Variants in DLG2 observed in about 807,000 individuals in gnomAD.
DLG2 encodes disks large homolog 2.
Under a neutral mutation model 132.5 loss-of-function variants are expected in DLG2, and 45 were observed. The ratio of observed to expected loss-of-function variants is 0.34; its 90% confidence interval spans 0.27 to 0.44. The LOEUF is 0.44. Among genes scored for constraint, DLG2 ranks in the 20% least tolerant of loss-of-function variants. DLG2 has a pLI of 1.00. For missense variants in DLG2, 1,045 were observed against 1,196.9 expected (o/e 0.87, Z 1.87); for synonymous variants, 424 against 419.6 (o/e 1.01, Z -0.13).
In DLG2 at chr11:83,902,358, T is replaced by A. The variant is rs114358959; in HGVS notation, c.1497-27870A>T. Among the ~76,000 whole-genome samples the A allele has an allele frequency of 9.0e-3, 1,364 of 152,310 alleles. 21 individuals are homozygous for A. The highest frequency in any genetic ancestry group is 0.031 in the African/African-American group (1,269 of 41,558). ...AGGGTTCATTTGAATCAAGATTGAA[T>A]GAATCAAGATTGTTATATGGATATA... On this transcript the variant is annotated intron_variant, in intron 15 of 27. Coordinates refer to ENST00000376104, the MANE Select transcript of DLG2 (RefSeq NM_001142699.3).
At chr11:83,464,621 GGT>G in intron 26 of DLG2, among the ~76,000 whole-genome samples, 1 of 152,270 alleles carries the variant, frequency 6.6e-6, no homozygotes, top group South Asian at 2.1e-4. Context: ...AACTTTCCTT[GGT>G]GATAAGTGGC....
chr11:85,504,468 G>A (rs1401253617), intron 3 of DLG2, among the ~76,000 whole-genome samples: 1 of 152,144 alleles, frequency 6.6e-6, no homozygotes, highest in Non-Finnish European at 1.5e-5. Flanking sequence ...ATTAAATAGG[G>A]AAACCTTTCC....
chr11:83,745,053 T>C (rs2092802753), intron 18 of DLG2, among the ~76,000 whole-genome samples: 1 of 152,154 alleles, frequency 6.6e-6, no homozygotes, highest in Non-Finnish European at 1.5e-5. Context: ...CAACCAAAAA[T>C]ACGAATCTCA....
chr11:85,472,220 T>C (rs1277040762), intron 3 of DLG2, among the ~76,000 whole-genome samples: 3 of 152,184 alleles, frequency 2.0e-5, no homozygotes, highest in Non-Finnish European at 4.4e-5. Flanking sequence ...CATAAAAACC[T>C]CAGACTCAGC....
intron 18 of DLG2, among the ~76,000 whole-genome samples, chr11:83,785,590 T>G (rs950801265): frequency 2.0e-5 from 3 of 152,218 alleles, no homozygotes; most frequent in Non-Finnish European, 4.4e-5. Flanking sequence ...AAATTCTAAT[T>G]CTAAAGCCAG....
chr11:84,413,233 A>G (rs2098916087), intron 7 of DLG2, among the ~76,000 whole-genome samples: 1 of 152,118 alleles, frequency 6.6e-6, no homozygotes, highest in Non-Finnish European at 1.5e-5. Flanking sequence ...CTCCTTATCT[A>G]TATGTCTCAT....
chr11:83,580,897 T>C, intron 19 of DLG2, among the ~76,000 whole-genome samples: 1 of 73,896 alleles, frequency 1.4e-5, no homozygotes, highest in African/African-American at 5.4e-5. Flanking sequence ...TCCCCTCCCT[T>C]CCCCTCCCCT....
intron 6 of DLG2, among the ~76,000 whole-genome samples, chr11:84,635,055 CT>C (rs1300035838): frequency 6.6e-6 from 1 of 152,214 alleles, no homozygotes; most frequent in Non-Finnish European, 1.5e-5. Context: ...GCAAGTGATC[CT>C]TTGAAGAAAA....
rs559590516 is a variant in DLG2, at chr11:84,879,725, C to G, written c.357+231936G>C. Reference sequence around the variant, plus strand: ...GATACCTATGACTGCCTGACAGTATCTCAGAATCATATGTATGTCATCTAT... The same window carrying G: ...GATACCTATGACTGCCTGACAGTATGTCAGAATCATATGTATGTCATCTAT... On this transcript the variant is annotated intron_variant, in intron 6 of 27. Coordinates refer to ENST00000376104, the MANE Select transcript of DLG2 (RefSeq NM_001142699.3). Among the ~76,000 whole-genome samples the G allele has an allele frequency of 1.3e-5, 2 of 152,220 alleles. 1 individual carries two copies. The highest frequency in any genetic ancestry group is 4.1e-4 in the South Asian group (2 of 4,826).
At chr11:85,288,555 A>G (rs150673034) in intron 3 of DLG2, among the ~76,000 whole-genome samples, 63 of 152,200 alleles carry the variant, frequency 4.1e-4, no homozygotes, top group African/African-American at 1.5e-3. Flanking sequence ...CCAGCTACTG[A>G]GGAGGTTGAG....
intron 10 of DLG2, among the ~76,000 whole-genome samples, chr11:84,097,234 C>T (rs999595276): frequency 2.0e-5 from 3 of 152,142 alleles, no homozygotes; most frequent in African/African-American, 4.8e-5. Flanking sequence ...TAGGCTTTGA[C>T]CTTAGGCTTT....
chr11:85,271,437 T>C (rs2077522435), intron 4 of DLG2, among the ~76,000 whole-genome samples: 2 of 151,878 alleles, frequency 1.3e-5, no homozygotes, highest in South Asian at 2.1e-4. Context: ...CCACACAGAG[T>C]CCCCACTGGG....
At chr11:84,185,287 G>T (rs968056136) in intron 8 of DLG2, among the ~76,000 whole-genome samples, 1 of 151,976 alleles carries the variant, frequency 6.6e-6, no homozygotes, top group Admixed American at 6.6e-5. Context: ...GGTCCTTCAT[G>T]TCCCTTGTAA....
intron 15 of DLG2, among the ~76,000 whole-genome samples, chr11:83,922,080 T>C (rs1203660437): frequency 2.0e-5 from 3 of 152,172 alleles, no homozygotes; most frequent in African/African-American, 7.2e-5. Context: ...CTGTTGTCCT[T>C]TACATTACAA....
intron 6 of DLG2, among the ~76,000 whole-genome samples, chr11:84,739,080 G>A (rs529351801): frequency 3.2e-4 from 49 of 152,158 alleles, no homozygotes; most frequent in African/African-American, 1.2e-3. Flanking sequence ...AGGAATCTTG[G>A]GGTGATGGTA....
intron 17 of DLG2, among the ~76,000 whole-genome samples, chr11:83,828,057 G>A (rs1040234814): frequency 2.0e-5 from 3 of 152,154 alleles, no homozygotes; most frequent in Non-Finnish European, 4.4e-5. Context: ...GGGATAAGGG[G>A]TAGGCCTGGA....
chr11:83,883,951 G>A (rs1433131187), intron 15 of DLG2, among the ~76,000 whole-genome samples: 2 of 152,140 alleles, frequency 1.3e-5, no homozygotes, highest in Non-Finnish European at 2.9e-5. Context: ...AAATTTTATA[G>A]AGCTGGTGGA....
chr11:85,308,622 C>A (rs963931827), intron 3 of DLG2, among the ~76,000 whole-genome samples: 2 of 152,114 alleles, frequency 1.3e-5, no homozygotes, highest in Non-Finnish European at 2.9e-5. Flanking sequence ...ATGATGATGG[C>A]CAGATTTTTG....
At chr11:83,891,430 G>A (rs1157910874) in intron 15 of DLG2, among the ~76,000 whole-genome samples, 1 of 152,168 alleles carries the variant, frequency 6.6e-6, no homozygotes, top group African/African-American at 2.4e-5. Flanking sequence ...CTGCTCTTTG[G>A]AGTTTGGAAT....
Sources: gnomAD v4.1 joint callset for allele counts (sites outside exome capture counted in the v4.1 genomes callset) on GRCh38, gnomAD v4.1.1 for gene constraint, MANE v1.5 for transcripts, NCBI Gene and HGNC (gene_info 2026-07-23, HGNC 2026-07-21) for gene names.